The following PTGER3 variants were observed in gnomAD, a reference collection of about 807,000 sequenced individuals.
PTGER3 encodes the protein prostaglandin E receptor 3.
In PTGER3, 22 loss-of-function variants were observed where a neutral mutation model predicts 34.7. The ratio of observed to expected loss-of-function variants is 0.63; its 90% CI spans 0.45 to 0.91. PTGER3 has a LOEUF of 0.91. Ranked by LOEUF, PTGER3 falls within the 40% of genes least tolerant of loss-of-function variation. PTGER3 has a pLI of 0.00. For missense variants in PTGER3, 468 were observed against 519.4 expected, an observed-to-expected ratio of 0.90 and a Z score of 0.96; for synonymous variants, 241 against 230.1, an observed-to-expected ratio of 1.05 and a Z score of -0.43.
intron 4 of PTGER3, among the ~76,000 whole-genome samples, chr1:70,867,519 G>A (rs1023523804): frequency 1.3e-5 from 2 of 152,084 alleles, no homozygotes; most frequent in Non-Finnish European, 1.5e-5. Context: ...TCAGGAATTC[G>A]AGACCAGCCT....
chr1:70,894,166 G>A (rs571948936), intron 4 of PTGER3, among the ~76,000 whole-genome samples: 123 of 151,872 alleles, frequency 8.1e-4, no homozygotes, highest in Middle Eastern at 3.4e-3. Context: ...AAAATTAGCC[G>A]GGCGTGGTGG....
intron 2 of PTGER3, among the ~76,000 whole-genome samples, chr1:70,993,346 G>T (rs1165545417): frequency 6.6e-6 from 1 of 152,176 alleles, no homozygotes; most frequent in African/African-American, 2.4e-5. Flanking sequence ...GTATACATGG[G>T]ACATGGGTGA....
chr1:70,945,427 T>C (rs1052399937), intron 4 of PTGER3, among the ~76,000 whole-genome samples: 1 of 152,160 alleles, frequency 6.6e-6, no homozygotes, highest in African/African-American at 2.4e-5. Flanking sequence ...CGTATGTCTA[T>C]GCATATGAAG....
intron 4 of PTGER3, among the ~76,000 whole-genome samples, chr1:70,858,203 T>TC (rs1460613615): frequency 1.4e-5 from 2 of 147,028 alleles, no homozygotes; most frequent in African/African-American, 4.9e-5. Flanking sequence ...CACAGATTCT[T>TC]TTTTTTTTTT....
chr1:70,894,590 C>G (rs892301430), intron 4 of PTGER3, among the ~76,000 whole-genome samples: 3 of 152,052 alleles, frequency 2.0e-5, no homozygotes, highest in African/African-American at 7.2e-5. Flanking sequence ...AATTATTGAA[C>G]TCCTGGAAGA....
chr1:70,882,317 C>T (rs372539414), intron 4 of PTGER3, among the ~76,000 whole-genome samples: 53 of 152,138 alleles, frequency 3.5e-4, no homozygotes, highest in African/African-American at 1.0e-3. Flanking sequence ...TGGGACTGTT[C>T]GGCTGGAAGC....
chr1:70,974,331 A>C lies in PTGER3; in HGVS notation c.1135T>G (p.Ser379Ala), dbSNP rs1222617219. ...SSSTSLPCQC[S>A]STLMWSDHLE... ...TGGTCGCTCCACATCAAGGTTGAGGAACACTGGCAGGGTAAGGAGGTGGAG... is the reference window on the plus strand; with the variant it reads ...TGGTCGCTCCACATCAAGGTTGAGGCACACTGGCAGGGTAAGGAGGTGGAG... Residue 379 changes from serine (S) to alanine (A), a missense_variant, in exon 3 of 4, where the codon TCC becomes GCC. Ser to Ala is a moderately conservative substitution (Grantham distance 99). Transcript: ENST00000306666. 6.6e-7 allele frequency: 1 copy of C among 1,509,328 alleles called. No homozygotes were observed. Among genetic ancestry groups the C allele is most frequent in the Non-Finnish European group, 9.2e-7 (1 of 1,085,004 alleles). 93.5% of individuals were successfully genotyped at this position (1,509,328 alleles called of 1,614,324 possible).
chr1:70,990,392 T>C (rs1038533511), intron 2 of PTGER3, among the ~76,000 whole-genome samples: 118 of 147,426 alleles, frequency 8.0e-4, no homozygotes, highest in Admixed American at 1.9e-3. Context: ...CACACATATA[T>C]ATATATATAA....
At chr1:70,884,946 G>A (rs1020976613) in intron 4 of PTGER3, among the ~76,000 whole-genome samples, 2 of 152,096 alleles carry the variant, frequency 1.3e-5, no homozygotes, top group Non-Finnish European at 2.9e-5. Context: ...CTCTATATTT[G>A]TTGTATGCTT....
chr1:70,964,655 A>G (rs949601732), intron 2 of PTGER3, among the ~76,000 whole-genome samples: 4 of 152,242 alleles, frequency 2.6e-5, no homozygotes, highest in African/African-American at 9.7e-5. Context: ...TATGGGAGCT[A>G]CAATTCAAGA....
At chr1:70,878,816 G>T (rs925066485) in intron 4 of PTGER3, among the ~76,000 whole-genome samples, 1 of 151,964 alleles carries the variant, frequency 6.6e-6, no homozygotes, top group African/African-American at 2.4e-5. Context: ...TATTTTTATT[G>T]TGCTGTAGTC....
chr1:70,865,547 C>T, intron 4 of PTGER3: 2 of 1,099,828 alleles, frequency 1.8e-6, no homozygotes, highest in South Asian at 3.0e-5. Context: ...GGGTTCTTGA[C>T]TTATAAAATC....
At position 71,009,041 on chromosome 1, in the gene PTGER3, T is replaced by TA. The variant is rs143530113; in HGVS notation, c.1077+3263dup. On this transcript the variant is annotated intron_variant, in intron 2 of 3. Coordinates refer to ENST00000306666, the MANE Select transcript of PTGER3 (RefSeq NM_198719.2). ...AGTTGATCTCAACCAAAAGAACTAT[T>TA]AGTGATTGCTGATGTGGAGAAGGTT... is the stretch of plus-strand genomic sequence containing the variant. The TA allele has an allele frequency of 2.3e-3, 2,274 of 985,070 alleles. 52 individuals carry two copies. In the African/African-American group the frequency reaches 0.037, roughly 16 times the overall value. 61.0% of individuals were successfully genotyped at this position (985,070 alleles called of 1,614,324 possible).
At chr1:71,030,363 G>T (rs1453479923) in intron 1 of PTGER3, among the ~76,000 whole-genome samples, 2 of 152,126 alleles carry the variant, frequency 1.3e-5, no homozygotes, top group African/African-American at 4.8e-5. Context: ...AATCCCAATT[G>T]CACTGTATCA....
At chr1:70,969,120 T>C (rs897357665), downstream of PTGER3, among the ~76,000 whole-genome samples, 2 of 151,954 alleles carry the variant, frequency 1.3e-5, no homozygotes, top group Admixed American at 6.6e-5. Context: ...AGCAGGAGAA[T>C]TGCTTGAACT....
At chr1:71,009,172 A>G (rs1657229272) in intron 2 of PTGER3, 1 of 985,292 alleles carries the variant, frequency 1.0e-6, no homozygotes, top group Non-Finnish European at 1.2e-6. Flanking sequence ...ATACTGCCAC[A>G]GAGTGACCCC....
At chr1:70,908,554 T>C (rs74089142) in intron 4 of PTGER3, among the ~76,000 whole-genome samples, 4,297 of 152,280 alleles carry the variant, frequency 0.028, 229 homozygotes, top group African/African-American at 0.099. Context: ...TTATTGGCTA[T>C]TTTCCCTTCC....
At position 70,971,125 on chromosome 1, in the gene PTGER3, G is replaced by T; in HGVS notation, c.*605C>A. ...TGAGTTACTAAATGACACATAACTA[G>T]AATTGAGACTTAGGAACTTTTAGTT... is the stretch of plus-strand genomic sequence containing the variant. On this transcript the variant is annotated 3_prime_UTR_variant, in exon 4 of 4. Coordinates refer to ENST00000306666, the MANE Select transcript of PTGER3 (RefSeq NM_198719.2). 1 of 985,310 alleles carries T rather than the reference G, an allele frequency of 1.0e-6. No homozygotes were observed. The highest frequency in any genetic ancestry group is 4.7e-5 in the South Asian group (1 of 21,290). 61.0% of individuals were successfully genotyped at this position (985,310 alleles called of 1,614,324 possible).
intron 2 of PTGER3, chr1:71,011,652 T>C (rs1557738845): frequency 1.0e-6 from 1 of 980,874 alleles, no homozygotes; most frequent in East Asian, 1.1e-4. Context: ...ACTTAAACTT[T>C]GTTAGGTTAG....
Sources: allele counts gnomAD v4.1 joint callset (sites outside exome capture counted in the v4.1 genomes callset), GRCh38; gene constraint gnomAD v4.1.1; transcripts MANE v1.5; gene names NCBI Gene and HGNC (gene_info 2026-07-23, HGNC 2026-07-21).